Variants in DST observed in about 807,000 individuals in gnomAD.
DST encodes bullous pemphigoid antigen.
A neutral mutation model predicts 875.2 loss-of-function variants in DST; 253 were observed. The ratio of observed to expected loss-of-function variants is 0.29; its 90% confidence interval spans 0.26 to 0.32. The LOEUF (loss-of-function observed/expected upper bound fraction) is 0.32. Among genes scored for constraint, DST ranks in the 10% least tolerant of loss-of-function variants. DST has a pLI of 1.00. For synonymous variants in DST, 3,124 were observed against 3,197.1 expected (o/e 0.98, Z 0.77); for missense variants, 8,287 against 9,111.6 (o/e 0.91, Z 3.68).
At chr6:56,704,440 G>T in intron 5 of DST, 71 bp from the exon 6 acceptor site, 2 of 697,926 alleles carry the variant, frequency 2.9e-6, no homozygotes, top group Middle Eastern at 2.3e-4. Flanking sequence ...AACATAAAAA[G>T]GAGACAAGTA....
rs752497801 is a variant in DST at position 56,651,153 on chromosome 6, T to A, written c.1306A>T (p.Ile436Leu). 4.3e-6 allele frequency: 7 copies of A among 1,612,706 alleles called. No homozygotes were observed. The highest frequency in any genetic ancestry group is 8.5e-7 in the Non-Finnish European group (1 of 1,179,282). Residue 436 changes from isoleucine to leucine, a missense_variant, in exon 11 of 104, where the codon ATA becomes TTA. Transcript: ENST00000680361. Reference sequence around the variant, plus strand: ...TCACCTTCAGGGTCCAGAAGTCTTATAACACCAATTTTTTCTGCTACGTAA... The same window carrying A: ...TCACCTTCAGGGTCCAGAAGTCTTAAAACACCAATTTTTTCTGCTACGTAA... ...AFYVAEKIGVIRLLDPEDVDV... is the reference protein window; with the variant it reads ...AFYVAEKIGVLRLLDPEDVDV...
At chr6:56,797,891 GA>G (rs2099742178) in intron 4 of DST, among the ~76,000 whole-genome samples, 1 of 147,146 alleles carries the variant, frequency 6.8e-6, no homozygotes, top group Non-Finnish European at 1.5e-5. Context: ...CTGACGTGGA[GA>G]AAGTTTCAGT....
At chr6:56,547,213 G>C (rs904390488) in intron 61 of DST, among the ~76,000 whole-genome samples, 2 of 152,094 alleles carry the variant, frequency 1.3e-5, no homozygotes, top group African/African-American at 4.8e-5. Flanking sequence ...TAGTTTGTGT[G>C]GATAAGAATA....
At chr6:56,746,576 AT>A (rs375157899) in intron 4 of DST, among the ~76,000 whole-genome samples, 73 of 152,294 alleles carry the variant, frequency 4.8e-4, no homozygotes, top group African/African-American at 1.7e-3. Flanking sequence ...AAAATGGAAA[AT>A]AATATATATA....
chr6:56,589,312 C>A (rs899422508), intron 49 of DST, among the ~76,000 whole-genome samples: 1 of 152,148 alleles, frequency 6.6e-6, no homozygotes, highest in Admixed American at 6.5e-5. Flanking sequence ...CAATTATATT[C>A]AGGAGAGTTA....
chr6:56,489,445 G>C, intron 86 of DST, 45 bp downstream of exon 86: 2 of 1,566,418 alleles, frequency 1.3e-6, no homozygotes, highest in Non-Finnish European at 8.6e-7. Context: ...AAGTGATCTT[G>C]AACTATATAA....
In DST at chr6:56,632,843, C is replaced by T; in HGVS notation, c.3805+11G>A. On this transcript the variant is annotated intron_variant, in intron 28 of 103. Transcript: ENST00000680361. ...TATGGGGAAAAAAAGACAGGGATCC[C>T]CATGCTTTACCTCTTTCTGCAGATT... is the stretch of plus-strand genomic sequence containing the variant. The T allele has an allele frequency of 6.2e-7, 1 of 1,612,270 alleles. No homozygotes were observed. Among genetic ancestry groups the T allele is most frequent in the Non-Finnish European group, 8.5e-7 (1 of 1,178,876 alleles).
chr6:56,692,717 A>C, intron 9 of DST: 1 of 1,289,564 alleles, frequency 7.8e-7, no homozygotes, highest in Non-Finnish European at 1.0e-6. Flanking sequence ...TCTTTTTCTG[A>C]AATCCTTTCA....
intron 3 of DST, among the ~76,000 whole-genome samples, chr6:56,894,581 G>C (rs1461973562): frequency 4.8e-5 from 2 of 41,610 alleles, no homozygotes; most frequent in Non-Finnish European, 8.4e-5. Flanking sequence ...GGGCAGAGGG[G>C]TCCTCACTTC....
At chr6:56,659,171 G>T (rs1280864710) in intron 10 of DST, among the ~76,000 whole-genome samples, 1 of 152,208 alleles carries the variant, frequency 6.6e-6, no homozygotes, top group African/African-American at 2.4e-5. Context: ...ATGGTGGCTT[G>T]CAGAAGAATG....
chr6:56,570,459 G>A (rs960037097), intron 53 of DST, among the ~76,000 whole-genome samples: 2 of 152,166 alleles, frequency 1.3e-5, no homozygotes, highest in Non-Finnish European at 2.9e-5. Flanking sequence ...TAAGGAGCAT[G>A]CACCCTAGAT....
chr6:56,761,924 C>T (rs2099618075), intron 4 of DST, among the ~76,000 whole-genome samples: 1 of 152,152 alleles, frequency 6.6e-6, no homozygotes, highest in Non-Finnish European at 1.5e-5. Context: ...TTTAGTGCAC[C>T]TTATAGCTGA....
chr6:56,824,463 G>A (rs2099777060), intron 4 of DST, among the ~76,000 whole-genome samples: 1 of 151,986 alleles, frequency 6.6e-6, no homozygotes, highest in Non-Finnish European at 1.5e-5. Flanking sequence ...CTGCCTGGCT[G>A]CCCATCGTCT....
chr6:56,599,421 C>T (rs1236676879), intron 45 of DST, among the ~76,000 whole-genome samples: 1 of 152,008 alleles, frequency 6.6e-6, no homozygotes, highest in Non-Finnish European at 1.5e-5. Context: ...TGAGCCATGA[C>T]TATGTGACCT....
intron 58 of DST, 147 bp from the exon 59 acceptor site, chr6:56,557,665 C>T (rs2097449521): frequency 2.9e-6 from 2 of 688,014 alleles, no homozygotes; most frequent in African/African-American, 3.6e-5. Context: ...ACTTAAAGGA[C>T]TAACCTACGA....
At chr6:56,881,582 A>G (rs548833845) in intron 3 of DST, among the ~76,000 whole-genome samples, 1 of 152,208 alleles carries the variant, frequency 6.6e-6, no homozygotes, top group Non-Finnish European at 1.5e-5. Context: ...TGATCTTCCC[A>G]CCCCATTTCC....
intron 9 of DST, among the ~76,000 whole-genome samples, chr6:56,682,491 C>T (rs1394186549): frequency 6.6e-6 from 1 of 152,202 alleles, no homozygotes; most frequent in Non-Finnish European, 1.5e-5. Context: ...TACCTCTACT[C>T]TTACACACAA....
chr6:56,619,992 C>T (rs2098672946), intron 36 of DST: 1 of 1,613,918 alleles, frequency 6.2e-7, no homozygotes, highest in Non-Finnish European at 8.5e-7. Flanking sequence ...CCCGTTACTG[C>T]CCTGCATGAT....
intron 2 of DST, among the ~76,000 whole-genome samples, chr6:56,910,534 GAGT>G (rs1313216094): frequency 7.9e-5 from 12 of 151,752 alleles, no homozygotes; most frequent in Non-Finnish European, 1.6e-4. Context: ...ACCCAGGCTG[GAGT>G]ACAGTGGCAT....
Sources: allele counts gnomAD v4.1 joint callset (sites outside exome capture counted in the v4.1 genomes callset), GRCh38; gene constraint gnomAD v4.1.1; transcripts MANE v1.5; gene names NCBI Gene and HGNC (gene_info 2026-07-23, HGNC 2026-07-21).